TRAPPC9: variants seen among roughly 807,000 people sequenced by gnomAD.
TRAPPC9 encodes the protein trafficking protein particle complex subunit 9, also known as IKK2 binding protein.
A neutral mutation model predicts 124.0 loss-of-function variants in TRAPPC9; 83 were observed. The observed-to-expected ratio is 0.67, with a 90% confidence interval of 0.56 to 0.80. The LOEUF is 0.80. TRAPPC9 is among the 30% of genes least tolerant of loss of function. The pLI, the probability that TRAPPC9 is intolerant of heterozygous loss-of-function variation, is 0.00. For missense variants in TRAPPC9, 1,302 were observed against 1,508.3 expected (o/e 0.86, Z 2.27); for synonymous variants, 638 against 617.5 (o/e 1.03, Z -0.49).
intron 19 of TRAPPC9, chr8:139,933,137 G>A (rs1460130015): frequency 2.6e-5 from 4 of 154,410 alleles, no homozygotes; most frequent in African/African-American, 9.6e-5. Context: ...TTGTGACCAA[G>A]CTGTTTCTCC....
At chr8:139,747,958 T>C (rs1291222641) in intron 21 of TRAPPC9, among the ~76,000 whole-genome samples, 1 of 49,408 alleles carries the variant, frequency 2.0e-5, no homozygotes, top group Non-Finnish European at 3.5e-5. Flanking sequence ...TCAGAGCAGG[T>C]GGGAGGTGTG....
intron 17 of TRAPPC9, among the ~76,000 whole-genome samples, chr8:140,028,208 A>C (rs929862293): frequency 2.0e-5 from 3 of 152,178 alleles, no homozygotes; most frequent in Non-Finnish European, 4.4e-5. Flanking sequence ...GGAAAGACAC[A>C]GGATGTCCAA....
chr8:139,892,154 A>C (rs1334629762), intron 20 of TRAPPC9, among the ~76,000 whole-genome samples: 2 of 152,248 alleles, frequency 1.3e-5, no homozygotes, highest in South Asian at 2.1e-4. Flanking sequence ...AAGGCTGCTA[A>C]GAAGCTTCAG....
chr8:140,344,756 G>C (rs893685711), intron 9 of TRAPPC9, among the ~76,000 whole-genome samples: 31 of 152,396 alleles, frequency 2.0e-4, no homozygotes, highest in African/African-American at 7.0e-4. Context: ...ACTGGAGAGA[G>C]GTGAGCAAGG....
chr8:139,982,137 A>C (rs973403872), intron 19 of TRAPPC9, among the ~76,000 whole-genome samples: 1 of 141,866 alleles, frequency 7.0e-6, no homozygotes. Context: ...TTTCCAGTAA[A>C]TTTGCTGCTG....
At chr8:140,405,770 T>C (rs1303705061) in intron 5 of TRAPPC9, 72 bp from the exon 6 acceptor site, 10 of 1,581,100 alleles carry the variant, frequency 6.3e-6, no homozygotes, top group Non-Finnish European at 7.8e-6. Context: ...AAGAGGAGCA[T>C]GAATAAGACA....
chr8:140,191,203 G>A (rs1001037660), intron 17 of TRAPPC9, among the ~76,000 whole-genome samples: 5 of 152,272 alleles, frequency 3.3e-5, no homozygotes, highest in African/African-American at 1.2e-4. Context: ...GCTCTCATAC[G>A]CATTTCATCC....
chr8:140,199,769 C>T (rs553187207), intron 17 of TRAPPC9, among the ~76,000 whole-genome samples: 1 of 152,118 alleles, frequency 6.6e-6, no homozygotes, highest in East Asian at 1.9e-4. Flanking sequence ...TTTGAGAATA[C>T]ATCCCCAATA....
At chr8:139,831,767 C>T (rs1214246595) in intron 21 of TRAPPC9, among the ~76,000 whole-genome samples, 5 of 152,230 alleles carry the variant, frequency 3.3e-5, no homozygotes, top group Non-Finnish European at 5.9e-5. Flanking sequence ...GAAAGTGTTA[C>T]TCTCCTCAAT....
At chr8:140,183,922 G>A (rs1587873961) in intron 17 of TRAPPC9, among the ~76,000 whole-genome samples, 2 of 46,806 alleles carry the variant, frequency 4.3e-5, no homozygotes, top group East Asian at 1.1e-3. Context: ...GAGAGGAGAG[G>A]AGAGGAGAGG....
intron 6 of TRAPPC9, among the ~76,000 whole-genome samples, chr8:140,398,375 T>A (rs2069156004): frequency 6.6e-6 from 1 of 152,208 alleles, no homozygotes; most frequent in African/African-American, 2.4e-5. Context: ...CAGGAAAATG[T>A]GGGAAAGTTT....
At position 139,821,627 on chromosome 8, in the gene TRAPPC9, A is replaced by G. The variant is rs575460039; in HGVS notation, c.3055+64252T>C. On this transcript the variant is annotated intron_variant, in intron 21 of 22. Transcript: ENST00000438773. ...GTGGCAGAGAAGATTAACACTTTCT[A>G]TACTGCTTTGCATTATTTCAATAGT... Among the ~76,000 whole-genome samples the G allele has an allele frequency of 2.6e-5, 4 of 152,360 alleles. No individual in the cohort carries two copies. The South Asian group carries it at 8.3e-4, about 32-fold the overall frequency.
intron 14 of TRAPPC9, among the ~76,000 whole-genome samples, chr8:140,280,532 G>A (rs1325041237): frequency 3.3e-5 from 5 of 151,852 alleles, no homozygotes; most frequent in East Asian, 1.9e-4. Flanking sequence ...AGGTTCAAGC[G>A]ATTCTCCTGC....
intron 17 of TRAPPC9, among the ~76,000 whole-genome samples, chr8:140,211,021 T>G (rs1383408760): frequency 6.6e-6 from 1 of 151,898 alleles, no homozygotes; most frequent in Admixed American, 6.5e-5. Context: ...GGTTTTTTTT[T>G]TTTTAAAAAC....
chr8:140,197,482 C>T (rs1407020276), intron 17 of TRAPPC9, among the ~76,000 whole-genome samples: 2 of 152,166 alleles, frequency 1.3e-5, no homozygotes, highest in African/African-American at 2.4e-5. Context: ...AGGCTGAATT[C>T]GAACCCCGGG....
intron 9 of TRAPPC9, among the ~76,000 whole-genome samples, chr8:140,342,773 T>C (rs2067230335): frequency 6.6e-6 from 1 of 152,148 alleles, no homozygotes; most frequent in Admixed American, 6.5e-5. Flanking sequence ...AGGAAATATA[T>C]ATACATATAT....
At chr8:140,038,563 C>T (rs116079760) in intron 17 of TRAPPC9, among the ~76,000 whole-genome samples, 94 of 152,318 alleles carry the variant, frequency 6.2e-4, no homozygotes, top group African/African-American at 2.0e-3. Flanking sequence ...CCTGGCTCCA[C>T]GCACACTGCT....
rs1343421471 is a variant in TRAPPC9, at chr8:140,133,084, C to T, written c.2556+88375G>A. On this transcript the variant is annotated intron_variant, in intron 17 of 22. Transcript: ENST00000438773. ...TAAGGCCAGCAGCATCACCCTGAAACAAGATCAAGCCAAAGACATCAGAAG... is the reference window on the plus strand; with the variant it reads ...TAAGGCCAGCAGCATCACCCTGAAATAAGATCAAGCCAAAGACATCAGAAG... Among the ~76,000 whole-genome samples, 56 of 152,172 alleles carry T rather than the reference C, an allele frequency of 3.7e-4. 2 individuals are homozygous for T. The highest frequency in any genetic ancestry group is 3.7e-3 in the Admixed American group (56 of 15,272).
At chr8:140,225,783 G>A (rs192627534) in intron 16 of TRAPPC9, among the ~76,000 whole-genome samples, 1 of 152,276 alleles carries the variant, frequency 6.6e-6, no homozygotes, top group Admixed American at 6.5e-5. Context: ...GTGTGTGTCT[G>A]TGTGTCTCTC....
Sources: allele counts gnomAD v4.1 joint callset (sites outside exome capture counted in the v4.1 genomes callset), GRCh38; gene constraint gnomAD v4.1.1; transcripts MANE v1.5; gene names NCBI Gene and HGNC (gene_info 2026-07-23, HGNC 2026-07-21).